ZBED3: variants seen among roughly 807,000 people sequenced by gnomAD.
ZBED3 encodes zinc finger BED domain-containing protein 3.
For missense variants in ZBED3, 388 were observed against 362.9 expected, an observed-to-expected ratio of 1.07 and a Z score of -0.56; for synonymous variants, 175 against 180.0, an observed-to-expected ratio of 0.97 and a Z score of 0.22.
Position 77,077,242 on chromosome 5 carries a change from G to GCGC in ZBED3, c.634_636dup (p.Ala212dup). 6.8e-7 allele frequency: 1 copy of GCGC among 1,477,758 alleles called. No homozygotes were observed. Among genetic ancestry groups the GCGC allele is most frequent in the Non-Finnish European group, 8.9e-7 (1 of 1,118,622 alleles). The allele number at this position is 1,477,758 out of a possible 1,614,324, so 91.5% of individuals were successfully genotyped here. A position where few individuals can be genotyped will look rare whatever the true frequency, so the allele number is the denominator to read the frequency against. The stretch of plus-strand genomic sequence containing the variant: ...TCGGGGTCGTCCTTGAGCGGCGGCG[G>GCGC]CGCAGCGGGGGCCCAGCCCAGGGCG... On this transcript the variant is annotated inframe_insertion, in exon 3 of 3. Transcript: ENST00000255198.
chr5:77,078,560 T>C (rs764193881), intron 2 of ZBED3, 34 bp downstream of exon 2: 14 of 152,192 alleles, frequency 9.2e-5, no homozygotes, highest in Non-Finnish European at 1.3e-4. Context: ...ATTTAGGAAA[T>C]AGCAATATCC....
In ZBED3 at chr5:77,075,990, T is replaced by TACATAC. The variant is rs1186960716; in HGVS notation, c.*1183_*1184insGTATGT. 2.3e-5 allele frequency: 1 copy of TACATAC among 43,342 alleles called. No homozygotes were observed. Among genetic ancestry groups the TACATAC allele is most frequent in the Non-Finnish European group, 5.4e-5 (1 of 18,576 alleles). 2.7% of individuals were successfully genotyped at this position (43,342 alleles called of 1,614,324 possible). On this transcript the variant is annotated 3_prime_UTR_variant, in exon 3 of 3. Transcript: ENST00000255198. Reference sequence around the variant, plus strand: ...ATGTATATGTATATATGTATATATATATGTATATATGTATATATATATGTA... The same window carrying TACATAC: ...ATGTATATGTATATATGTATATATATACATACATGTATATATGTATATATATATGTA...
In ZBED3 at chr5:77,074,780, T is replaced by A. The variant is rs13172379; in HGVS notation, c.*2394A>T. 30,603 of 152,084 alleles carry A rather than the reference T, an allele frequency of 0.2. 3,108 individuals carry two copies. The highest frequency in any genetic ancestry group is 0.24 in the South Asian group (1,167 of 4,810). The allele number at this position is 152,084 out of a possible 1,614,324, so 9.4% of individuals were successfully genotyped here. A position where few individuals can be genotyped will look rare whatever the true frequency, so the allele number is the denominator to read the frequency against. On this transcript the variant is annotated 3_prime_UTR_variant, in exon 3 of 3. Coordinates refer to ENST00000255198, the MANE Select transcript of ZBED3 (RefSeq NM_032367.4). ...TGGTACAGTGGGAGCATGGCATCTG[T>A]GGGGGAGACTGTCTGCAGTGGGATC...
Position 77,077,230 on chromosome 5 carries a change from T to C in ZBED3, c.649A>G (p.Lys217Glu). Residue 217 changes from lysine to glutamate, a missense_variant, in exon 3 of 3, where the codon AAG becomes GAG. Transcript: ENST00000255198. ...GWAPAAPPPL[K>E]DDPEGDRDGC... Reference sequence around the variant, plus strand: ...TCCCTGTCACCCTCGGGGTCGTCCTTGAGCGGCGGCGGCGCAGCGGGGGCC... The same window carrying C: ...TCCCTGTCACCCTCGGGGTCGTCCTCGAGCGGCGGCGGCGCAGCGGGGGCC... 1 of 1,491,084 alleles carries C rather than the reference T, an allele frequency of 6.7e-7. No homozygotes were observed. The highest frequency in any genetic ancestry group is 8.9e-7 in the Non-Finnish European group (1 of 1,126,048). The allele number at this position is 1,491,084 out of a possible 1,614,324, so 92.4% of individuals were successfully genotyped here.
At chr5:77,082,268 G>GAA (rs35181696) in intron 1 of ZBED3, among the ~76,000 whole-genome samples, 2 of 123,914 alleles carry the variant, frequency 1.6e-5, no homozygotes, top group Non-Finnish European at 1.7e-5. Flanking sequence ...ATGCTGTATT[G>GAA]AAAAAAAAAA....
rs749458270 is a variant in ZBED3 at position 77,077,659 on chromosome 5, C to G, written c.220G>C (p.Glu74Gln). 5 of 1,406,732 alleles carry G rather than the reference C, an allele frequency of 3.6e-6. No homozygotes were observed. In the African/African-American group the frequency reaches 7.5e-5, roughly 21 times the overall value. The allele number at this position is 1,406,732 out of a possible 1,614,324, so 87.1% of individuals were successfully genotyped here. Residue 74 changes from glutamate (E) to glutamine (Q), a missense_variant, in exon 3 of 3, where the codon GAG becomes CAG. Physicochemically the swap from Glu to Gln is conservative, Grantham distance 29. Coordinates refer to ENST00000255198, the MANE Select transcript of ZBED3 (RefSeq NM_032367.4). The stretch of plus-strand genomic sequence containing the variant: ...AAGCCCGGGCCGCGGCCCACCTGCT[C>G]CCCGCACAGACGGCAGGTGGCCCAG... The part of the protein sequence containing the change: ...GHWATCRLCG[E>Q]QVGRGPGFHA...
At chr5:77,081,936 TA>T (rs1165508064) in intron 1 of ZBED3, among the ~76,000 whole-genome samples, 2 of 152,018 alleles carry the variant, frequency 1.3e-5, no homozygotes, top group Non-Finnish European at 1.5e-5. Flanking sequence ...ACAATTCTGA[TA>T]CCTGTGTGAT....
At chr5:77,082,409 A>G (rs911555790) in intron 1 of ZBED3, among the ~76,000 whole-genome samples, 1 of 152,224 alleles carries the variant, frequency 6.6e-6, no homozygotes, top group Admixed American at 6.5e-5. Context: ...ATGTAGAATG[A>G]CAAGAAACTG....
chr5:77,075,305 T>C lies in ZBED3; in HGVS notation c.*1869A>G, dbSNP rs1024464971. The C allele has an allele frequency of 1.3e-5, 2 of 152,188 alleles. No individual in the cohort carries two copies. The highest frequency in any genetic ancestry group is 4.8e-5 in the African/African-American group (2 of 41,440). 9.4% of individuals were successfully genotyped at this position (152,188 alleles called of 1,614,324 possible). A position where few individuals can be genotyped will look rare whatever the true frequency, so the allele number is the denominator to read the frequency against. On this transcript the variant is annotated 3_prime_UTR_variant, in exon 3 of 3. Coordinates refer to ENST00000255198, the MANE Select transcript of ZBED3 (RefSeq NM_032367.4). ...ATGGGAAAATATGTTGGGGTTGTTG[T>C]AGACTGAAAGTGACTAGAGTTGAAA...
At position 77,077,498 on chromosome 5, in the gene ZBED3, G is replaced by A; in HGVS notation, c.381C>T (p.Gly127=). The change falls in exon 3 of 3, where the codon GGC becomes GGT. Residue 127 remains glycine, a synonymous_variant. Coordinates refer to ENST00000255198, the MANE Select transcript of ZBED3 (RefSeq NM_032367.4). ...PPPGPAAAPE[G]DWARLLEQMG... is the part of the protein sequence containing the mutation. ...TCTGTTCCAGCAGGCGCGCCCAGTC[G>A]CCCTCGGGGGCCGCAGCGGGGCCGG... 6.7e-6 allele frequency: 8 copies of A among 1,188,992 alleles called. No homozygotes were observed. Among genetic ancestry groups the A allele is most frequent in the South Asian group, 4.1e-5 (1 of 24,424 alleles). The allele number at this position is 1,188,992 out of a possible 1,614,324, so 73.7% of individuals were successfully genotyped here. A position where few individuals can be genotyped will look rare whatever the true frequency, so the allele number is the denominator to read the frequency against.
At position 77,076,693 on chromosome 5, in the gene ZBED3, T is replaced by A. The variant is rs1368884773; in HGVS notation, c.*481A>T. The A allele has an allele frequency of 6.7e-6, 1 of 148,454 alleles. No individual in the cohort carries two copies. The highest frequency in any genetic ancestry group is 1.5e-5 in the Non-Finnish European group (1 of 66,790). 9.2% of individuals were successfully genotyped at this position (148,454 alleles called of 1,614,324 possible). On this transcript the variant is annotated 3_prime_UTR_variant, in exon 3 of 3. Transcript: ENST00000255198. ...GGCAGATTATGCATTAGGAACTCTT[T>A]TTTTTTTTTTTTTGGGTAAAAAGCT...
In ZBED3 at chr5:77,076,116, C is replaced by CTGGGGAGGAA. The variant is rs1742999241; in HGVS notation, c.*1048_*1057dup. 2 of 147,016 alleles carry CTGGGGAGGAA rather than the reference C, an allele frequency of 1.4e-5. No homozygotes were observed. Among genetic ancestry groups the CTGGGGAGGAA allele is most frequent in the Non-Finnish European group, 3.0e-5 (2 of 66,902 alleles). 9.1% of individuals were successfully genotyped at this position (147,016 alleles called of 1,614,324 possible). On this transcript the variant is annotated 3_prime_UTR_variant, in exon 3 of 3. Transcript: ENST00000255198. The stretch of plus-strand genomic sequence containing the variant: ...CTGACCCAGAGTGAGGGAGTAAAAA[C>CTGGGGAGGAA]TGGGGAGGAAGGATAGGCAGCCAGG...
rs566900010 is a variant in ZBED3, at chr5:77,075,745, A to G, written c.*1429T>C. 14 of 151,510 alleles carry G rather than the reference A, an allele frequency of 9.2e-5. No individual in the cohort carries two copies. Among genetic ancestry groups the G allele is most frequent in the Non-Finnish European group, 1.6e-4 (11 of 67,938 alleles). 9.4% of individuals were successfully genotyped at this position (151,510 alleles called of 1,614,324 possible). ...GCCTATGGAAAAACTGGGAACCAGT[A>G]TGCAACAGGAAAAGGAATTCTTTGA... is the stretch of plus-strand genomic sequence containing the variant. On this transcript the variant is annotated 3_prime_UTR_variant, in exon 3 of 3. Coordinates refer to ENST00000255198, the MANE Select transcript of ZBED3 (RefSeq NM_032367.4).
In ZBED3 at chr5:77,077,612, C is replaced by T; in HGVS notation, c.267G>A (p.Leu89=). 1 of 1,405,946 alleles carries T rather than the reference C, an allele frequency of 7.1e-7. No homozygotes were observed. Among genetic ancestry groups the T allele is most frequent in the East Asian group, 3.1e-5 (1 of 31,940 alleles). 87.1% of individuals were successfully genotyped at this position (1,405,946 alleles called of 1,614,324 possible). A position where few individuals can be genotyped will look rare whatever the true frequency, so the allele number is the denominator to read the frequency against. Residue 89 remains leucine (L), a synonymous_variant, in exon 3 of 3, where the codon TTG becomes TTA. Transcript: ENST00000255198. ...GPGFHAGTSA[L]WRHLRSAHRR... ...GGTGCGCGCTCCTCAGGTGCCTCCACAACGCCGAGGTCCCCGCGTGGAAGC... is the reference window on the plus strand; with the variant it reads ...GGTGCGCGCTCCTCAGGTGCCTCCATAACGCCGAGGTCCCCGCGTGGAAGC...
intron 1 of ZBED3, among the ~76,000 whole-genome samples, chr5:77,080,886 A>G (rs1450367411): frequency 6.6e-6 from 1 of 152,234 alleles, no homozygotes; most frequent in Non-Finnish European, 1.5e-5. Context: ...ATACATATGT[A>G]ACAAACCTGC....
Position 77,077,811 on chromosome 5 carries a change from C to A in ZBED3, c.68G>T (p.Gly23Val). The change falls in exon 3 of 3, where the codon GGC becomes GTC. Residue 23 changes from glycine to valine, a missense_variant. Coordinates refer to ENST00000255198, the MANE Select transcript of ZBED3 (RefSeq NM_032367.4). The stretch of plus-strand genomic sequence containing the variant: ...CGGCCCCAGTCCCGGACACTGACCG[C>A]CCCGCGCCGCCGCGTCGTCCAGCCC... ...ARGLDDAAAR[G>V]GQCPGLGPAP... 1 of 1,297,974 alleles carries A rather than the reference C, an allele frequency of 7.7e-7. No individual in the cohort carries two copies. Among genetic ancestry groups the A allele is most frequent in the Non-Finnish European group, 9.7e-7 (1 of 1,028,808 alleles). 80.4% of individuals were successfully genotyped at this position (1,297,974 alleles called of 1,614,324 possible). A position where few individuals can be genotyped will look rare whatever the true frequency, so the allele number is the denominator to read the frequency against.
At position 77,073,690 on chromosome 5, in the gene ZBED3, C is replaced by A; in HGVS notation, c.*3484G>T. 1 of 151,816 alleles carries A rather than the reference C, an allele frequency of 6.6e-6. No individual in the cohort carries two copies. The highest frequency in any genetic ancestry group is 1.9e-4 in the East Asian group (1 of 5,194). 9.4% of individuals were successfully genotyped at this position (151,816 alleles called of 1,614,324 possible). On this transcript the variant is annotated 3_prime_UTR_variant, in exon 3 of 3. Coordinates refer to ENST00000255198, the MANE Select transcript of ZBED3 (RefSeq NM_032367.4). ...ACAGCTTAAAAAATTACTACTATTTCCTTTTATTTGTTGTTGTGAATTTTA... is the reference window on the plus strand; with the variant it reads ...ACAGCTTAAAAAATTACTACTATTTACTTTTATTTGTTGTTGTGAATTTTA...
At position 77,077,726 on chromosome 5, in the gene ZBED3, G is replaced by T; in HGVS notation, c.153C>A (p.Tyr51Ter). 7.4e-7 allele frequency: 1 copy of T among 1,352,142 alleles called. No individual in the cohort carries two copies. Among genetic ancestry groups the T allele is most frequent in the Non-Finnish European group, 9.5e-7 (1 of 1,056,784 alleles). The allele number at this position is 1,352,142 out of a possible 1,614,324, so 83.8% of individuals were successfully genotyped here. ...LGAPYSEAWG[Y>*]FHLAPGRPGH... is the part of the protein sequence containing the mutation. ...CGGGGCGCCCCGGCGCCAGGTGGAA[G>T]TAGCCCCAGGCCTCGGAGTATGGCG... The change falls in exon 3 of 3, where the codon TAC (tyrosine) becomes TAA (stop). Residue 51 changes from tyrosine (Y) to a stop codon, truncating the protein, a stop_gained. Coordinates refer to ENST00000255198, the MANE Select transcript of ZBED3 (RefSeq NM_032367.4). LOFTEE classifies it low-confidence loss of function (END_TRUNC).
intron 1 of ZBED3, among the ~76,000 whole-genome samples, chr5:77,083,546 T>A (rs983718792): frequency 6.6e-6 from 1 of 152,226 alleles, no homozygotes; most frequent in Admixed American, 6.5e-5. Flanking sequence ...GCTGAGATCA[T>A]AGATAGTGCA....
Sources: gnomAD v4.1 joint callset for allele counts (sites outside exome capture counted in the v4.1 genomes callset) on GRCh38, gnomAD v4.1.1 for gene constraint, MANE v1.5 for transcripts, NCBI Gene and HGNC (gene_info 2026-07-23, HGNC 2026-07-21) for gene names.